The following CSMD1 variants were observed in gnomAD, a reference collection of about 807,000 sequenced individuals.
CSMD1 encodes CUB and Sushi multiple domains 1.
A neutral mutation model predicts 417.5 loss-of-function variants in CSMD1; 213 were observed. The ratio of observed to expected loss-of-function variants is 0.51; its 90% CI spans 0.46 to 0.57. CSMD1 has a LOEUF of 0.57. CSMD1 is among the 20% of genes least tolerant of loss of function. The probability of loss-of-function intolerance (pLI) is 0.00; values close to 1 mark genes in which losing one functional copy is unlikely to be tolerated. For missense variants in CSMD1, 6,923 were observed against 4,529.7 expected, an observed-to-expected ratio of 1.53 and a Z score of -15.17; for synonymous variants, 2,862 against 1,736.8, an observed-to-expected ratio of 1.65 and a Z score of -16.11.
At position 4,521,332 on chromosome 8, in the gene CSMD1, G is replaced by A. The variant is rs755809770; in HGVS notation, c.303-101267C>T. Among the ~76,000 whole-genome samples the A allele has an allele frequency of 2.6e-5, 4 of 152,096 alleles. No homozygotes were observed. The South Asian group carries it at 8.3e-4, about 32-fold the overall frequency. ...GAGTAAAGATAGGAAATGGGAAGAT[G>A]AGCTGGGAAGCCTTAAGAACCTTTA... On this transcript the variant is annotated intron_variant, in intron 2 of 69. Transcript: ENST00000635120.
intron 5 of CSMD1, among the ~76,000 whole-genome samples, chr8:3,931,731 A>C (rs115767500): frequency 0.015 from 2,231 of 149,136 alleles, 158 homozygotes; most frequent in African/African-American, 0.051. Flanking sequence ...CAAGGCTTTA[A>C]TCTCAATCCA....
chr8:3,510,826 C>A (rs1797033901), intron 10 of CSMD1, among the ~76,000 whole-genome samples: 1 of 151,796 alleles, frequency 6.6e-6, no homozygotes, highest in South Asian at 2.1e-4. Flanking sequence ...AGTATCTGTT[C>A]ATATCCTTCC....
intron 7 of CSMD1, among the ~76,000 whole-genome samples, chr8:3,705,720 T>A (rs1801130067): frequency 6.6e-6 from 1 of 152,200 alleles, no homozygotes; most frequent in Non-Finnish European, 1.5e-5. Context: ...AAGGATTATA[T>A]CACTTCTGCA....
chr8:3,999,902 C>G (rs1332974737), intron 4 of CSMD1, among the ~76,000 whole-genome samples: 3 of 152,134 alleles, frequency 2.0e-5, no homozygotes, highest in Non-Finnish European at 2.9e-5. Flanking sequence ...TAGGACATCT[C>G]AGGAAACTCA....
chr8:4,224,167 C>G (rs902148181), intron 3 of CSMD1, among the ~76,000 whole-genome samples: 1 of 151,992 alleles, frequency 6.6e-6, no homozygotes, highest in Non-Finnish European at 1.5e-5. Context: ...CACATAATCA[C>G]AAAACTATAG....
intron 7 of CSMD1, among the ~76,000 whole-genome samples, chr8:3,686,766 T>C (rs1201929359): frequency 1.3e-5 from 2 of 152,240 alleles, no homozygotes; most frequent in Non-Finnish European, 2.9e-5. Context: ...AGCCAGTCTA[T>C]CAGTGGCTGG....
chr8:4,189,438 G>T (rs778311592), intron 3 of CSMD1, among the ~76,000 whole-genome samples: 1 of 152,102 alleles, frequency 6.6e-6, no homozygotes, highest in Non-Finnish European at 1.5e-5. Flanking sequence ...AAAAACAGTA[G>T]TCCAGCAAAG....
chr8:3,968,316 T>C (rs978531660), intron 5 of CSMD1, among the ~76,000 whole-genome samples: 4 of 152,152 alleles, frequency 2.6e-5, no homozygotes, highest in Non-Finnish European at 2.9e-5. Context: ...AGCATGAGTA[T>C]TGCCTGGACA....
chr8:4,644,227 C>G (rs1446012169), intron 1 of CSMD1, among the ~76,000 whole-genome samples: 1 of 152,124 alleles, frequency 6.6e-6, no homozygotes, highest in African/African-American at 2.4e-5. Flanking sequence ...CTTTCCCTTC[C>G]TTGAACACAC....
chr8:3,010,746 C>CTT (rs34404492), intron 52 of CSMD1, among the ~76,000 whole-genome samples: 10 of 143,276 alleles, frequency 7.0e-5, no homozygotes, highest in Non-Finnish European at 7.7e-5. Context: ...CTATTCCCAA[C>CTT]TTTTTTTTTT....
At chr8:3,859,525 A>G (rs762169903) in intron 5 of CSMD1, among the ~76,000 whole-genome samples, 2 of 152,186 alleles carry the variant, frequency 1.3e-5, no homozygotes, top group Non-Finnish European at 2.9e-5. Context: ...AGCTGGCCAC[A>G]GTTGGATTTC....
intron 3 of CSMD1, among the ~76,000 whole-genome samples, chr8:4,253,338 C>G (rs1205760225): frequency 6.6e-6 from 1 of 152,052 alleles, no homozygotes; most frequent in African/African-American, 2.4e-5. Flanking sequence ...TACTATAGAA[C>G]TTATCACTGT....
intron 3 of CSMD1, among the ~76,000 whole-genome samples, chr8:4,396,630 C>CACACAT (rs1319534133): frequency 6.6e-6 from 1 of 151,892 alleles, no homozygotes; most frequent in African/African-American, 2.4e-5. Flanking sequence ...CACACACACA[C>CACACAT]ACACACACAC....
intron 3 of CSMD1, among the ~76,000 whole-genome samples, chr8:4,048,261 C>G (rs529954123): frequency 9.2e-4 from 140 of 152,246 alleles, no homozygotes; most frequent in African/African-American, 3.2e-3. Flanking sequence ...AAAGTGATAC[C>G]TACACATTTT....
intron 3 of CSMD1, among the ~76,000 whole-genome samples, chr8:4,116,093 G>C (rs749857299): frequency 6.6e-6 from 1 of 151,822 alleles, no homozygotes; most frequent in African/African-American, 2.4e-5. Flanking sequence ...CCGCCTCCTG[G>C]GTTCAAGCGA....
At chr8:4,667,609 A>G (rs1437323681) in intron 1 of CSMD1, among the ~76,000 whole-genome samples, 1 of 152,160 alleles carries the variant, frequency 6.6e-6, no homozygotes, top group Non-Finnish European at 1.5e-5. Flanking sequence ...TACTTTATGT[A>G]TTGGAACGCT....
intron 5 of CSMD1, among the ~76,000 whole-genome samples, chr8:3,760,240 G>C (rs1301359187): frequency 6.6e-6 from 1 of 152,178 alleles, no homozygotes; most frequent in East Asian, 1.9e-4. Flanking sequence ...AGCTCCTTTA[G>C]AGATGGCAAA....
At chr8:3,454,221 G>T (rs558908912) in intron 12 of CSMD1, among the ~76,000 whole-genome samples, 1 of 152,114 alleles carries the variant, frequency 6.6e-6, no homozygotes, top group South Asian at 2.1e-4. Flanking sequence ...CACGTTAGAT[G>T]GGTCTCCTGA....
At position 3,883,866 on chromosome 8, in the gene CSMD1, A is replaced by G. The variant is rs146477076; in HGVS notation, c.818+114037T>C. 1.1e-3 allele frequency among the ~76,000 whole-genome samples: 172 copies of G among 152,218 alleles called. 3 individuals are homozygous for G. The East Asian group carries it at 0.02, about 18-fold the overall frequency. ...AACAATTTTGACAGAAAAGAGGAAAACAATACGGTTTTTCATATGTGTATT... is the reference window on the plus strand; with the variant it reads ...AACAATTTTGACAGAAAAGAGGAAAGCAATACGGTTTTTCATATGTGTATT... On this transcript the variant is annotated intron_variant, in intron 5 of 69. Transcript: ENST00000635120.
Sources: allele counts gnomAD v4.1 joint callset (sites outside exome capture counted in the v4.1 genomes callset), GRCh38; gene constraint gnomAD v4.1.1; transcripts MANE v1.5; gene names NCBI Gene and HGNC (gene_info 2026-07-23, HGNC 2026-07-21).